Variants in ZDHHC19 observed in about 807,000 individuals in gnomAD.
ZDHHC19 encodes the protein palmitoyltransferase ZDHHC19.
A neutral mutation model predicts 33.9 loss-of-function variants in ZDHHC19; 30 were observed. The ratio of observed to expected loss-of-function variants is 0.88; its 90% CI spans 0.66 to 1.20. ZDHHC19 has a LOEUF of 1.20. Ranked by LOEUF, ZDHHC19 falls within the 50% of genes most tolerant of loss-of-function variation. The probability of loss-of-function intolerance (pLI) is 0.00; values close to 1 mark genes in which losing one functional copy is unlikely to be tolerated. For synonymous variants in ZDHHC19, 178 were observed against 167.6 expected, an observed-to-expected ratio of 1.06 and a Z score of -0.48; for missense variants, 364 against 401.1, an observed-to-expected ratio of 0.91 and a Z score of 0.79.
At chr3:196,210,270 GA>G (rs1723126094) in intron 2 of ZDHHC19, among the ~76,000 whole-genome samples, 1 of 116,942 alleles carries the variant, frequency 8.6e-6, no homozygotes, top group African/African-American at 3.5e-5. Context: ...AAAGAAAAGA[GA>G]AAGAAAGAAA....
rs1425267466 is a variant in ZDHHC19 at position 196,198,000 on chromosome 3, C to T, written c.*20-275G>A. Among the ~76,000 whole-genome samples, 2 of 152,166 alleles carry T rather than the reference C, an allele frequency of 1.3e-5. No individual in the cohort carries two copies. The highest frequency in any genetic ancestry group is 6.5e-5 in the Admixed American group (1 of 15,288). ...TATAAACCACGAGACTCATCTCAGT[C>T]CTGCGAGTAGGTGACTGGCCTGAGG... On this transcript the variant is annotated intron_variant, in intron 7 of 7. Coordinates refer to ENST00000296326, the MANE Select transcript of ZDHHC19 (RefSeq NM_001039617.2). The surrounding 1 kb of genome is among the most constrained non-coding windows in gnomAD (Gnocchi z 4.4).
Position 196,208,462 on chromosome 3 carries a change from G to A in ZDHHC19, c.507C>T (p.Gly169=). Residue 169 remains glycine (G), a synonymous_variant, in exon 4 of 8, where the codon GGC becomes GGT. Coordinates refer to ENST00000296326, the MANE Select transcript of ZDHHC19 (RefSeq NM_001039617.2). The part of the protein sequence containing the change: ...LLVLSLCLYS[G]AMLVTCLIFL... ...AGATGAGACAGGTGACCAGCATGGC[G>A]CCCGAGTAGAGGCACAGGGACAGGA... is the stretch of plus-strand genomic sequence containing the variant. 1 of 1,614,166 alleles carries A rather than the reference G, an allele frequency of 6.2e-7. No homozygotes were observed. The highest frequency in any genetic ancestry group is 8.5e-7 in the Non-Finnish European group (1 of 1,180,014).
In ZDHHC19 at chr3:196,209,501, C is replaced by T. The variant is rs1264617115; in HGVS notation, c.283G>A (p.Gly95Ser). 6.2e-7 allele frequency: 1 copy of T among 1,612,930 alleles called. No homozygotes were observed. The highest frequency in any genetic ancestry group is 8.5e-7 in the Non-Finnish European group (1 of 1,179,760). Residue 95 changes from glycine (G) to serine (S), a missense_variant, in exon 3 of 8, where the codon GGC (glycine) becomes AGC (serine). Coordinates refer to ENST00000296326, the MANE Select transcript of ZDHHC19 (RefSeq NM_001039617.2). Reference sequence around the variant, plus strand: ...CACACCACGTGCACCGTCAAGGGGCCCTGCTCAGCGGAGCCTGGCGTGGGA... The same window carrying T: ...CACACCACGTGCACCGTCAAGGGGCTCTGCTCAGCGGAGCCTGGCGTGGGA... ...GILHQGSAEQ[G>S]PLTVHVVWVN...
chr3:196,199,674 T>C (rs550239197), intron 5 of ZDHHC19: 2 of 154,452 alleles, frequency 1.3e-5, no homozygotes, highest in South Asian at 4.1e-4. Context: ...CCGGGTGAGA[T>C]GGCTCACGCC....
chr3:196,201,807 C>T (rs1031102468), intron 5 of ZDHHC19, among the ~76,000 whole-genome samples: 25 of 152,156 alleles, frequency 1.6e-4, no homozygotes, highest in Non-Finnish European at 7.3e-5. Context: ...GCTCCTGCTC[C>T]GATTCTGTGT....
chr3:196,207,349 A>C (rs1297993182), intron 5 of ZDHHC19, 49 bp downstream of exon 5: 1 of 1,496,116 alleles, frequency 6.7e-7, no homozygotes, highest in South Asian at 1.2e-5. Context: ...AAGCGCGGGA[A>C]GCGCGGAGGT....
intron 5 of ZDHHC19, among the ~76,000 whole-genome samples, chr3:196,202,110 C>A (rs185544664): frequency 4.1e-4 from 62 of 152,128 alleles, no homozygotes; most frequent in African/African-American, 1.5e-3. Flanking sequence ...TTTGAGGTCA[C>A]AAGTTCAAGA....
rs1323342280 is a variant in ZDHHC19 at position 196,203,650 on chromosome 3, C to T, written c.687+3748G>A. On this transcript the variant is annotated intron_variant, in intron 5 of 7. Transcript: ENST00000296326. The surrounding 1 kb of genome is among the most constrained non-coding windows in gnomAD (Gnocchi z 4.3). ...GTTAGGGTCCCTGGAGGCTGGAGAT[C>T]CTGGATCAGGAGGGCAGCATTCTGG... 6.6e-6 allele frequency among the ~76,000 whole-genome samples: 1 copy of T among 152,124 alleles called. No individual in the cohort carries two copies. Among genetic ancestry groups the T allele is most frequent in the Non-Finnish European group, 1.5e-5 (1 of 68,024 alleles).
rs141788425 is a variant in ZDHHC19, at chr3:196,201,661, C to T, written c.688-2787G>A. On this transcript the variant is annotated intron_variant, in intron 5 of 7. Coordinates refer to ENST00000296326, the MANE Select transcript of ZDHHC19 (RefSeq NM_001039617.2). ...GCTTGAACCTAGGAGGTGGAGGTTG[C>T]AGTGAGCCGAGATAGCACCACTGCA... 9.9e-3 allele frequency among the ~76,000 whole-genome samples: 1,501 copies of T among 152,056 alleles called. 27 individuals are homozygous for T. Among genetic ancestry groups the T allele is most frequent in the African/African-American group, 0.035 (1,456 of 41,484 alleles).
At chr3:196,210,161 C>T (rs953719031) in intron 2 of ZDHHC19, among the ~76,000 whole-genome samples, 5 of 150,060 alleles carry the variant, frequency 3.3e-5, no homozygotes, top group East Asian at 3.9e-4. Flanking sequence ...ACTGCACTCC[C>T]GCCTGGGCAG....
At chr3:196,198,923 G>A in intron 5 of ZDHHC19, 49 bp from the exon 6 acceptor site, 1 of 1,586,102 alleles carries the variant, frequency 6.3e-7, no homozygotes, top group Non-Finnish European at 8.7e-7. Context: ...AGCAGGAATG[G>A]CTGGGCCATC....
intron 2 of ZDHHC19, among the ~76,000 whole-genome samples, chr3:196,210,287 AAGGAAGGAAGGAAAGAGAGAGG>A (rs1403810174): frequency 5.4e-5 from 8 of 147,218 alleles, no homozygotes; most frequent in African/African-American, 2.1e-4. Flanking sequence ...AGAAAGAAAG[AAGGAAGGAAGGAAAGAGAGAGG>A]AAGAAAGGAA....
At chr3:196,201,950 C>T (rs929702384) in intron 5 of ZDHHC19, among the ~76,000 whole-genome samples, 10 of 152,000 alleles carry the variant, frequency 6.6e-5, no homozygotes, top group African/African-American at 9.7e-5. Context: ...TTTGTCTTTT[C>T]GTCCCTCCCA....
chr3:196,206,799 A>G (rs576933693), intron 5 of ZDHHC19, among the ~76,000 whole-genome samples: 151 of 149,810 alleles, frequency 1.0e-3, no homozygotes, highest in African/African-American at 3.6e-3. Flanking sequence ...CCCAGCCTGG[A>G]CCTTTTTAAT....
At chr3:196,210,788 G>C (rs6795963) in intron 1 of ZDHHC19, 51 bp from the exon 2 acceptor site, 14 of 1,594,232 alleles carry the variant, frequency 8.8e-6, no homozygotes, top group Non-Finnish European at 1.2e-5. Context: ...CAAAGCCCCC[G>C]GCCCAAGGCC....
At position 196,209,521 on chromosome 3, in the gene ZDHHC19, G is replaced by A. The variant is rs373345767; in HGVS notation, c.269-6C>T. 577 of 1,612,208 alleles carry A rather than the reference G, an allele frequency of 3.6e-4. 4 individuals are homozygous for A. The South Asian group carries it at 5.4e-3, about 15-fold the overall frequency. The stretch of plus-strand genomic sequence containing the variant: ...GGGGCCCTGCTCAGCGGAGCCTGGC[G>A]TGGGAAGAGGATTGGGCACAGCAGA... On this transcript the variant is annotated splice_region_variant and splice_polypyrimidine_tract_variant and intron_variant, in intron 2 of 7. Transcript: ENST00000296326.
At chr3:196,202,711 G>A (rs1162318375) in intron 5 of ZDHHC19, among the ~76,000 whole-genome samples, 4 of 152,218 alleles carry the variant, frequency 2.6e-5, no homozygotes, top group Non-Finnish European at 5.9e-5. Flanking sequence ...TGTGCGGTCC[G>A]GAAAGAGTAG....
chr3:196,199,814 G>A (rs7622459), intron 5 of ZDHHC19, among the ~76,000 whole-genome samples: 82,079 of 151,270 alleles, frequency 0.54, 24,951 homozygotes, highest in African/African-American at 0.83. Context: ...GCGTGGTGGC[G>A]GGTGCCTGTG....
Position 196,211,292 on chromosome 3 carries a change from C to A in ZDHHC19, c.24G>T (p.Thr8=). Residue 8 remains threonine, a synonymous_variant, in exon 1 of 8, where the codon ACG becomes ACT. Transcript: ENST00000296326. MTLLTDA[T]PLVKEPHPLP... Reference sequence around the variant, plus strand: ...GGGGATGGGGCTCCTTCACCAGCGGCGTGGCATCCGTTAAGAGTGTCATGG... The same window carrying A: ...GGGGATGGGGCTCCTTCACCAGCGGAGTGGCATCCGTTAAGAGTGTCATGG... 2 of 1,613,490 alleles carry A rather than the reference C, an allele frequency of 1.2e-6. No homozygotes were observed. The highest frequency in any genetic ancestry group is 1.1e-5 in the South Asian group (1 of 90,996).
Sources: allele counts gnomAD v4.1 joint callset (sites outside exome capture counted in the v4.1 genomes callset), GRCh38; gene constraint gnomAD v4.1.1; non-coding constraint Gnocchi (gnomAD v3.1); transcripts MANE v1.5; gene names NCBI Gene and HGNC (gene_info 2026-07-23, HGNC 2026-07-21).